The following WWC1 variants were observed in gnomAD, a reference collection of about 807,000 sequenced individuals.
WWC1 encodes protein KIBRA.
A neutral mutation model predicts 138.4 loss-of-function variants in WWC1; 55 were observed. That is an observed-to-expected ratio of 0.40 (90% CI 0.32 to 0.50). The LOEUF (loss-of-function observed/expected upper bound fraction) is 0.50, where lower values mean the gene tolerates loss of function less well. Ranked by LOEUF, WWC1 falls within the 20% of genes least tolerant of loss-of-function variation. The pLI, the probability that WWC1 is intolerant of heterozygous loss-of-function variation, is 0.72. For missense variants in WWC1, 1,226 were observed against 1,420.4 expected (o/e 0.86, Z 2.20); for synonymous variants, 524 against 564.9 (o/e 0.93, Z 1.03).
chr5:168,325,702 A>G (rs1259156207), intron 1 of WWC1, among the ~76,000 whole-genome samples: 2 of 152,176 alleles, frequency 1.3e-5, no homozygotes, highest in African/African-American at 4.8e-5. Context: ...ACCATTTTCA[A>G]CGGTAGAGTT....
In WWC1 at chr5:168,428,154, G is replaced by A. The variant is rs200855815; in HGVS notation, c.1919+13G>A. On this transcript the variant is annotated intron_variant, in intron 12 of 22. Coordinates refer to ENST00000265293, the MANE Select transcript of WWC1 (RefSeq NM_015238.3). ...CTTCCGTGCAGAGGTAGGTGTCTGGGTGCTGGCTCTCTCTGTGGCCCTGTA... is the reference window on the plus strand; with the variant it reads ...CTTCCGTGCAGAGGTAGGTGTCTGGATGCTGGCTCTCTCTGTGGCCCTGTA... 1.3e-5 allele frequency: 21 copies of A among 1,609,900 alleles called. No homozygotes were observed. In the Admixed American group the frequency reaches 3.2e-4, roughly 24 times the overall value.
At chr5:168,456,698 A>ATT (rs10680508) in intron 19 of WWC1, among the ~76,000 whole-genome samples, 96,194 of 146,648 alleles carry the variant, frequency 0.66, 31,824 homozygotes, top group Non-Finnish European at 0.7. Context: ...TGCTCCGCCA[A>ATT]TTTTTTTTTT....
chr5:168,401,577 C>T lies in WWC1; in HGVS notation c.590+2010C>T, dbSNP rs780250254. On this transcript the variant is annotated intron_variant, in intron 5 of 22. Transcript: ENST00000265293. ...GTCTTCCCACCCCACAAGTCCCCAC[C>T]GCCTGGGGTGAGCCACACAAATTCA... Among the ~76,000 whole-genome samples the T allele has an allele frequency of 7.2e-5, 11 of 152,310 alleles. No individual in the cohort carries two copies. The South Asian group carries it at 1.9e-3, about 26-fold the overall frequency.
chr5:168,414,117 G>T (rs143373759), intron 8 of WWC1: 3 of 545,992 alleles, frequency 5.5e-6, no homozygotes, highest in African/African-American at 1.9e-5. Context: ...CAAGGACATT[G>T]CCTTGTTCAT....
chr5:168,410,037 A>G (rs1233311163), intron 8 of WWC1, 42 bp downstream of exon 8: 4 of 1,584,956 alleles, frequency 2.5e-6, no homozygotes, highest in African/African-American at 1.3e-5. Context: ...TCCAAAAATA[A>G]TAACTACTAT....
chr5:168,463,309 C>G (rs1400189871), intron 20 of WWC1, among the ~76,000 whole-genome samples: 1 of 152,226 alleles, frequency 6.6e-6, no homozygotes, highest in Non-Finnish European at 1.5e-5. Context: ...GATCCAGGCA[C>G]TGCCTCCAGA....
intron 1 of WWC1, among the ~76,000 whole-genome samples, chr5:168,357,483 TGTGTG>T (rs1775532887): frequency 1.3e-5 from 1 of 79,082 alleles, no homozygotes. Flanking sequence ...TGTGTGTGTG[TGTGTG>T]TGTGTGCGCG....
intron 1 of WWC1, among the ~76,000 whole-genome samples, chr5:168,361,192 G>A (rs1452309953): frequency 6.6e-6 from 1 of 152,218 alleles, no homozygotes; most frequent in Admixed American, 6.5e-5. Flanking sequence ...AGATTACACA[G>A]CTAGGAAGGA....
intron 1 of WWC1, among the ~76,000 whole-genome samples, chr5:168,321,671 G>T (rs1188382851): frequency 6.6e-6 from 1 of 151,888 alleles, no homozygotes; most frequent in Non-Finnish European, 1.5e-5. Context: ...CCGAGTAGCT[G>T]GGATTACAGG....
intron 1 of WWC1, among the ~76,000 whole-genome samples, chr5:168,342,939 A>AGG (rs1304832303): frequency 6.6e-6 from 1 of 152,174 alleles, no homozygotes; most frequent in Non-Finnish European, 1.5e-5. Flanking sequence ...GGCACTAGGC[A>AGG]GGGAGCAAGG....
intron 1 of WWC1, among the ~76,000 whole-genome samples, chr5:168,326,631 T>C (rs563745537): frequency 6.6e-6 from 1 of 152,200 alleles, no homozygotes. Context: ...CTCCGCCTCC[T>C]GTGTCCTGGT....
rs796129111 is a variant in WWC1 at position 168,459,271 on chromosome 5, AAAAG to A, written c.2824-1365_2824-1362del. Among the ~76,000 whole-genome samples, 699 of 147,604 alleles carry A rather than the reference AAAAG, an allele frequency of 4.7e-3. 5 individuals are homozygous for A. The highest frequency in any genetic ancestry group is 0.013 in the African/African-American group (500 of 39,132). The stretch of plus-strand genomic sequence containing the variant: ...CCCTGTCTCAAAAAAAAAAAAAAAA[AAAAG>A]AAAGAAAGAAAGAGAAAGCCCCCTT... On this transcript the variant is annotated intron_variant, in intron 19 of 22. Transcript: ENST00000265293.
At chr5:168,369,775 C>T (rs1053279110) in intron 1 of WWC1, among the ~76,000 whole-genome samples, 31 of 152,152 alleles carry the variant, frequency 2.0e-4, no homozygotes, top group African/African-American at 7.0e-4. Context: ...CTTTCAGCAT[C>T]CCTTTCTTCA....
At chr5:168,350,714 T>C (rs1304127834) in intron 1 of WWC1, among the ~76,000 whole-genome samples, 1 of 152,230 alleles carries the variant, frequency 6.6e-6, no homozygotes, top group Non-Finnish European at 1.5e-5. Context: ...ATTCTTCTGC[T>C]CAACTATGTG....
intron 15 of WWC1, among the ~76,000 whole-genome samples, chr5:168,439,101 T>C (rs997287007): frequency 7.9e-5 from 12 of 152,174 alleles, no homozygotes; most frequent in Non-Finnish European, 1.8e-4. Flanking sequence ...AATATGTAGA[T>C]AGACTATAGA....
chr5:168,331,312 G>T (rs1773016200), intron 1 of WWC1, among the ~76,000 whole-genome samples: 1 of 152,200 alleles, frequency 6.6e-6, no homozygotes, highest in South Asian at 2.1e-4. Flanking sequence ...CCATCAACTA[G>T]AGTTTTACAG....
At position 168,399,373 on chromosome 5, in the gene WWC1, T is replaced by G. The variant is rs1779143071; in HGVS notation, c.511-115T>G. 5.7e-6 allele frequency: 6 copies of G among 1,052,668 alleles called. No homozygotes were observed. In the Admixed American group the frequency reaches 1.2e-4, roughly 22 times the overall value. The allele number at this position is 1,052,668 out of a possible 1,614,324, so 65.2% of individuals were successfully genotyped here. A position where few individuals can be genotyped will look rare whatever the true frequency, so the allele number is the denominator to read the frequency against. On this transcript the variant is annotated intron_variant, in intron 4 of 22. Transcript: ENST00000265293. ...CAGTGTGGCGCAAGGGGTGCTGACC[T>G]GAGTCATTATGCAGGCGCAGTGGGA...
intron 2 of WWC1, among the ~76,000 whole-genome samples, chr5:168,378,325 A>G (rs1469938245): frequency 1.3e-5 from 2 of 152,150 alleles, no homozygotes; most frequent in African/African-American, 2.4e-5. Flanking sequence ...AAAACTACCT[A>G]TTAGGTACTA....
At chr5:168,449,222 A>G (rs1755571306) in intron 17 of WWC1, among the ~76,000 whole-genome samples, 1 of 152,162 alleles carries the variant, frequency 6.6e-6, no homozygotes, top group South Asian at 2.1e-4. Flanking sequence ...TCTCTTTACA[A>G]TTAAAATTAA....
Sources: gnomAD v4.1 joint callset for allele counts (sites outside exome capture counted in the v4.1 genomes callset) on GRCh38, gnomAD v4.1.1 for gene constraint, MANE v1.5 for transcripts, NCBI Gene and HGNC (gene_info 2026-07-23, HGNC 2026-07-21) for gene names.